KCNQ5: variants seen among roughly 807,000 people sequenced by gnomAD.
The protein encoded by KCNQ5 is potassium voltage-gated channel subfamily Q member 5.
KCNQ5 carries 30 observed loss-of-function variants against 98.2 expected under a neutral mutation model. The observed-to-expected ratio is 0.31, with a 90% CI of 0.23 to 0.41. The LOEUF is 0.41. KCNQ5 is among the 10% of genes least tolerant of loss of function. The pLI is 1.00. For synonymous variants in KCNQ5, 458 were observed against 449.4 expected, an observed-to-expected ratio of 1.02 and a Z score of -0.24; for missense variants, 835 against 1,182.5, an observed-to-expected ratio of 0.71 and a Z score of 4.31.
At chr6:73,018,280 A>G (rs1770441521) in intron 2 of KCNQ5, among the ~76,000 whole-genome samples, 1 of 152,060 alleles carries the variant, frequency 6.6e-6, no homozygotes, top group Non-Finnish European at 1.5e-5. Context: ...CCTATAGCCT[A>G]CAGCGGTGGA....
At chr6:72,935,494 T>G (rs1477944713) in intron 1 of KCNQ5, among the ~76,000 whole-genome samples, 1 of 152,214 alleles carries the variant, frequency 6.6e-6, no homozygotes, top group Non-Finnish European at 1.5e-5. Flanking sequence ...ATTCCCCTGC[T>G]AAGCATACTG....
At chr6:72,655,021 T>G (rs9446727) in intron 1 of KCNQ5, among the ~76,000 whole-genome samples, 36,171 of 122,148 alleles carry the variant, frequency 0.3, 7,262 homozygotes, top group African/African-American at 0.57. Flanking sequence ...AGCCAAGGTC[T>G]GTCTGTCTTT....
chr6:72,868,229 A>C (rs1419314171), intron 1 of KCNQ5, among the ~76,000 whole-genome samples: 1 of 152,080 alleles, frequency 6.6e-6, no homozygotes, highest in Non-Finnish European at 1.5e-5. Context: ...AAAAAAATTG[A>C]TCTGTTTAGA....
intron 3 of KCNQ5, among the ~76,000 whole-genome samples, chr6:73,069,987 A>G (rs78336317): frequency 0.022 from 3,347 of 152,284 alleles, 47 homozygotes; most frequent in Middle Eastern, 0.085. Context: ...AGGAGACAGG[A>G]TAAATGGAAA....
chr6:72,722,385 G>A (rs965619896), intron 1 of KCNQ5, among the ~76,000 whole-genome samples: 1 of 152,144 alleles, frequency 6.6e-6, no homozygotes, highest in Admixed American at 6.5e-5. Context: ...AAGTCAATCA[G>A]AATCTGTGCA....
At chr6:72,916,870 G>A (rs181169431) in intron 1 of KCNQ5, among the ~76,000 whole-genome samples, 1 of 152,318 alleles carries the variant, frequency 6.6e-6, no homozygotes, top group African/African-American at 2.4e-5. Flanking sequence ...TCAAGTGTTG[G>A]AAGTTTCAAC....
intron 1 of KCNQ5, among the ~76,000 whole-genome samples, chr6:72,790,361 T>C (rs1262436815): frequency 6.6e-6 from 1 of 152,192 alleles, no homozygotes; most frequent in East Asian, 1.9e-4. Flanking sequence ...TGACATCAAG[T>C]TGAGCTACAG....
In KCNQ5 at chr6:73,111,310, C is replaced by A; in HGVS notation, c.1032C>A (p.Gly344=). The A allele has an allele frequency of 6.2e-7, 1 of 1,607,976 alleles. No individual in the cohort carries two copies. Among genetic ancestry groups the A allele is most frequent in the Non-Finnish European group, 8.5e-7 (1 of 1,177,382 alleles). Residue 344 remains glycine, a splice_region_variant and synonymous_variant, in exon 7 of 14, where the codon GGC becomes GGA. Transcript: ENST00000370398. ...LGISFFALPA[G]ILGSGFALKV... is the part of the protein sequence containing the mutation. ...GCCATTTTTGTATTTTGTTCCAGGG[C>A]ATTCTTGGCTCAGGTTTTGCATTAA...
In KCNQ5 at chr6:72,748,043, G is replaced by C. The variant is rs188908411; in HGVS notation, c.398+125456G>C. Among the ~76,000 whole-genome samples the C allele has an allele frequency of 5.3e-5, 8 of 152,252 alleles. No homozygotes were observed. In the East Asian group the frequency reaches 1.5e-3, roughly 29 times the overall value. On this transcript the variant is annotated intron_variant, in intron 1 of 13. Coordinates refer to ENST00000370398, the MANE Select transcript of KCNQ5 (RefSeq NM_019842.4). ...TATAATCTATACATCTCCGAAAAGT[G>C]TAAGATGGCTTGTTAAGAATAAAGT...
intron 1 of KCNQ5, among the ~76,000 whole-genome samples, chr6:72,670,096 C>T (rs557884572): frequency 6.6e-6 from 1 of 152,244 alleles, no homozygotes. Flanking sequence ...GCTCACAATT[C>T]CTGCTTTCTA....
intron 1 of KCNQ5, among the ~76,000 whole-genome samples, chr6:72,686,017 G>T (rs1565078964): frequency 6.6e-6 from 1 of 152,204 alleles, no homozygotes; most frequent in Non-Finnish European, 1.5e-5. Context: ...CATGTTTAGA[G>T]AGAGAGCTGT....
intron 1 of KCNQ5, among the ~76,000 whole-genome samples, chr6:72,713,755 A>G (rs960829512): frequency 1.3e-5 from 2 of 152,224 alleles, no homozygotes; most frequent in Non-Finnish European, 2.9e-5. Context: ...GAGACTAGAC[A>G]GGCTTATGTC....
chr6:72,861,511 G>GA (rs1239445131), intron 1 of KCNQ5, among the ~76,000 whole-genome samples: 1 of 152,104 alleles, frequency 6.6e-6, no homozygotes, highest in Admixed American at 6.5e-5. Context: ...AAGGTCTCCA[G>GA]AAAAAAGTTT....
At chr6:73,145,094 A>T (rs905735637) in intron 10 of KCNQ5, among the ~76,000 whole-genome samples, 4 of 152,204 alleles carry the variant, frequency 2.6e-5, no homozygotes, top group Middle Eastern at 3.2e-3. Context: ...TTCTATGAAG[A>T]CAGTGTCAGT....
intron 1 of KCNQ5, among the ~76,000 whole-genome samples, chr6:72,775,098 A>C (rs1483609758): frequency 6.6e-6 from 1 of 152,200 alleles, no homozygotes; most frequent in Non-Finnish European, 1.5e-5. Flanking sequence ...TACATGTGTT[A>C]TATTCACACT....
intron 1 of KCNQ5, among the ~76,000 whole-genome samples, chr6:72,657,579 AG>A (rs1197452966): frequency 1.3e-5 from 2 of 152,248 alleles, no homozygotes; most frequent in Non-Finnish European, 2.9e-5. Flanking sequence ...GGAAAGAAAC[AG>A]GGTCTTGTTC....
At chr6:72,794,694 G>T (rs1299544431) in intron 1 of KCNQ5, among the ~76,000 whole-genome samples, 3 of 152,004 alleles carry the variant, frequency 2.0e-5, no homozygotes, top group Non-Finnish European at 4.4e-5. Flanking sequence ...CTTAATGAGG[G>T]GTGTATGTCT....
intron 1 of KCNQ5, among the ~76,000 whole-genome samples, chr6:72,822,966 C>G (rs1775823315): frequency 6.6e-6 from 1 of 152,146 alleles, no homozygotes; most frequent in South Asian, 2.1e-4. Flanking sequence ...CTTGGACCCT[C>G]CTGCTTCCTT....
chr6:73,076,299 C>A lies in KCNQ5; in HGVS notation c.617-1023C>A, dbSNP rs979179893. ...CAAATGTGACATCCTTGAAATGGAACTCCTCTTTGGAGTGTGGAAGCCCAG... is the reference window on the plus strand; with the variant it reads ...CAAATGTGACATCCTTGAAATGGAAATCCTCTTTGGAGTGTGGAAGCCCAG... On this transcript the variant is annotated intron_variant, in intron 3 of 13. Coordinates refer to ENST00000370398, the MANE Select transcript of KCNQ5 (RefSeq NM_019842.4). 4.6e-5 allele frequency among the ~76,000 whole-genome samples: 7 copies of A among 152,182 alleles called. No homozygotes were observed. In the East Asian group the frequency reaches 1.3e-3, roughly 29 times the overall value.
Sources: allele counts gnomAD v4.1 joint callset (sites outside exome capture counted in the v4.1 genomes callset), GRCh38; gene constraint gnomAD v4.1.1; transcripts MANE v1.5; gene names NCBI Gene and HGNC (gene_info 2026-07-23, HGNC 2026-07-21).